The following INCENP variants were observed in gnomAD, a reference collection of about 807,000 sequenced individuals.
INCENP encodes the protein binds and activates aurora-B and -C in vivo and in vitro.
Under a neutral mutation model 107.3 loss-of-function variants are expected in INCENP, and 43 were observed. The observed-to-expected ratio is 0.40, with a 90% CI of 0.31 to 0.52. INCENP has a LOEUF of 0.52. Ranked by LOEUF, INCENP falls within the 20% of genes least tolerant of loss-of-function variation. INCENP has a pLI of 0.53. For missense variants in INCENP, 1,089 were observed against 1,250.9 expected (o/e 0.87, Z 1.95); for synonymous variants, 488 against 494.4 (o/e 0.99, Z 0.17).
At chr11:62,146,147 T>C (rs1055129461) in intron 14 of INCENP, among the ~76,000 whole-genome samples, 1 of 152,202 alleles carries the variant, frequency 6.6e-6, no homozygotes, top group Non-Finnish European at 1.5e-5. Context: ...ATTGCTGTTA[T>C]GGTCCACCCC....
chr11:62,135,494 C>G (rs903218897), intron 4 of INCENP, among the ~76,000 whole-genome samples: 1 of 152,058 alleles, frequency 6.6e-6, no homozygotes, highest in African/African-American at 2.4e-5. Context: ...AAACTCCTGA[C>G]CTCAAATCAT....
chr11:62,148,392 G>T, intron 15 of INCENP, 84 bp from the exon 16 acceptor site: 1 of 1,295,560 alleles, frequency 7.7e-7, no homozygotes, highest in Non-Finnish European at 1.1e-6. Flanking sequence ...TACTGGCTGG[G>T]CCTGGTTTCC....
rs1615317 is a variant in INCENP, at chr11:62,148,574, G to T, written c.2283+20G>T. On this transcript the variant is annotated intron_variant, in intron 16 of 18. Coordinates refer to ENST00000394818, the MANE Select transcript of INCENP (RefSeq NM_001040694.2). ...AAGAAGGTGAGGGGAGCTGGGTTGC[G>T]GGCTCCCCTGGGGTCTGCCCTGAGC... The T allele has an allele frequency of 1.9e-6, 3 of 1,585,744 alleles. No homozygotes were observed.
At chr11:62,144,528 A>G (rs1944195509) in intron 11 of INCENP, among the ~76,000 whole-genome samples, 1 of 152,224 alleles carries the variant, frequency 6.6e-6, no homozygotes, top group African/African-American at 2.4e-5. Context: ...TATGGATATT[A>G]TAAAGCATGA....
Position 62,130,334 on chromosome 11 carries a change from G to C in INCENP, c.807G>C (p.Ser269=). ...IAQVSPGPRD[S]PAFPDSPWRE... ...AGGTCTCCCCTGGCCCACGGGACTCGCCAGCCTTTCCAGATTCTCCATGGC... is the reference window on the plus strand; with the variant it reads ...AGGTCTCCCCTGGCCCACGGGACTCCCCAGCCTTTCCAGATTCTCCATGGC... The change falls in exon 4 of 19, where the codon TCG becomes TCC. Residue 269 remains serine, a synonymous_variant. Transcript: ENST00000394818. 6.2e-7 allele frequency: 1 copy of C among 1,611,542 alleles called. No individual in the cohort carries two copies. The highest frequency in any genetic ancestry group is 8.5e-7 in the Non-Finnish European group (1 of 1,179,990).
At position 62,137,997 on chromosome 11, in the gene INCENP, A is replaced by G. The variant is rs563337103; in HGVS notation, c.1115+114A>G. ...GCTGAGTCTTCCCCACTGAGCCTTG[A>G]CCGCCCAGGAGCTGCCCCGTTTTCC... On this transcript the variant is annotated intron_variant, in intron 5 of 18. Coordinates refer to ENST00000394818, the MANE Select transcript of INCENP (RefSeq NM_001040694.2). 2.2e-5 allele frequency: 21 copies of G among 951,740 alleles called. No homozygotes were observed. The African/African-American group carries it at 3.2e-4, about 15-fold the overall frequency. The allele number at this position is 951,740 out of a possible 1,614,324, so 59.0% of individuals were successfully genotyped here.
rs1943813988 is a variant in INCENP, at chr11:62,128,787, C to T, written c.158C>T (p.Pro53Leu). ...CCAAACAGAGAATTCAGCAAAGAGC[C>T]AGAGCTGATGCCCAAAACACCTTCT... ...RMFTREFSKEPELMPKTPSQK... is the reference protein window; with the variant it reads ...RMFTREFSKELELMPKTPSQK... The change falls in exon 3 of 19, where the codon CCA (proline) becomes CTA (leucine). Residue 53 changes from proline to leucine, a missense_variant. Physicochemically the swap from Pro to Leu is moderately conservative, Grantham distance 98. Coordinates refer to ENST00000394818, the MANE Select transcript of INCENP (RefSeq NM_001040694.2). The T allele has an allele frequency of 6.2e-7, 1 of 1,613,636 alleles. No homozygotes were observed. Among genetic ancestry groups the T allele is most frequent in the Non-Finnish European group, 8.5e-7 (1 of 1,179,518 alleles).
intron 7 of INCENP, 53 bp from the exon 8 acceptor site, chr11:62,140,181 A>C (rs1406555660): frequency 3.9e-6 from 6 of 1,557,980 alleles, no homozygotes; most frequent in Admixed American, 3.4e-5. Flanking sequence ...CCCCATTCCC[A>C]CCCTGCCGCC....
chr11:62,130,145 A>G lies in INCENP; in HGVS notation c.618A>G (p.Pro206=). The change falls in exon 4 of 19, where the codon CCA becomes CCG. Residue 206 remains proline, a synonymous_variant. Coordinates refer to ENST00000394818, the MANE Select transcript of INCENP (RefSeq NM_001040694.2). ...CGACTCCAGCTTCAGCCACAGCTCC[A>G]ACCTCCCAGGGCATCCCGACATCAG... ...LSPTPASATA[P]TSQGIPTSDE... 1.2e-6 allele frequency: 2 copies of G among 1,613,812 alleles called. No homozygotes were observed. Among genetic ancestry groups the G allele is most frequent in the Non-Finnish European group, 1.7e-6 (2 of 1,180,008 alleles).
Position 62,131,846 on chromosome 11 carries a change from C to T in INCENP, c.1063+1256C>T, listed in dbSNP as rs557323337. Among the ~76,000 whole-genome samples the T allele has an allele frequency of 4.6e-5, 7 of 152,044 alleles. No homozygotes were observed. In the South Asian group the frequency reaches 1.0e-3, roughly 23 times the overall value. On this transcript the variant is annotated intron_variant, in intron 4 of 18. Transcript: ENST00000394818. ...AGGCTGGAGTGCAATGGCACGATCT[C>T]GGCTCACTGCAACCTCTGCATGCAT...
intron 11 of INCENP, 37 bp from the exon 12 acceptor site, chr11:62,144,945 G>T: frequency 6.4e-7 from 1 of 1,560,948 alleles, no homozygotes; most frequent in Non-Finnish European, 8.7e-7. Flanking sequence ...GGTCGTCCTT[G>T]CTCATGTCCC....
intron 18 of INCENP, 131 bp from the exon 19 acceptor site, chr11:62,151,631 G>A (rs1944373951): frequency 1.4e-6 from 1 of 694,974 alleles, no homozygotes; most frequent in Non-Finnish European, 2.5e-6. Context: ...TACAGGCAGG[G>A]GCAGGGCTGA....
At position 62,133,654 on chromosome 11, in the gene INCENP, G is replaced by A. The variant is rs369012522; in HGVS notation, c.1063+3064G>A. 7.9e-5 allele frequency among the ~76,000 whole-genome samples: 12 copies of A among 152,214 alleles called. No homozygotes were observed. In the East Asian group the frequency reaches 2.3e-3, roughly 29 times the overall value. On this transcript the variant is annotated intron_variant, in intron 4 of 18. Coordinates refer to ENST00000394818, the MANE Select transcript of INCENP (RefSeq NM_001040694.2). The stretch of plus-strand genomic sequence containing the variant: ...AGCATTCCAGAGAATGCTTGTGCTG[G>A]TGGGAGAGCCATGTAGTCACATGGG...
intron 4 of INCENP, among the ~76,000 whole-genome samples, chr11:62,131,518 T>G (rs1469143626): frequency 6.6e-6 from 1 of 151,978 alleles, no homozygotes; most frequent in Non-Finnish European, 1.5e-5. Context: ...GCGCTTTTGC[T>G]GAGTGGAAAA....
chr11:62,134,196 C>T lies in INCENP; in HGVS notation c.1063+3606C>T, dbSNP rs553310312. ...CTTCCTGTTTTTAATGATTAAGCCT[C>T]AGCCTCAAAAAGCTTTTGACAGCCT... is the stretch of plus-strand genomic sequence containing the variant. On this transcript the variant is annotated intron_variant, in intron 4 of 18. Coordinates refer to ENST00000394818, the MANE Select transcript of INCENP (RefSeq NM_001040694.2). Among the ~76,000 whole-genome samples, 7 of 152,232 alleles carry T rather than the reference C, an allele frequency of 4.6e-5. No homozygotes were observed. In the East Asian group the frequency reaches 1.4e-3, roughly 29 times the overall value.
chr11:62,132,885 C>A (rs1565093207), intron 4 of INCENP, among the ~76,000 whole-genome samples: 1 of 152,216 alleles, frequency 6.6e-6, no homozygotes, highest in Non-Finnish European at 1.5e-5. Context: ...GGGCACACCC[C>A]TTCTCTCAAC....
chr11:62,139,048 G>A (rs778347800), intron 7 of INCENP, 43 bp downstream of exon 7: 1 of 1,391,006 alleles, frequency 7.2e-7, no homozygotes, highest in Non-Finnish European at 1.0e-6. Context: ...CGGAGCCACA[G>A]CGGGCCTTGG....
chr11:62,148,751 C>G lies in INCENP; in HGVS notation c.2296C>G (p.Arg766Gly), dbSNP rs753378312. Residue 766 changes from arginine to glycine, a missense_variant, in exon 17 of 19, where the codon CGT (arginine) becomes GGT (glycine). Arg to Gly is a moderately radical substitution (Grantham distance 125). Transcript: ENST00000394818. ...EEKKKKEEQQ[R>G]LAERQLQEEQ... The stretch of plus-strand genomic sequence containing the variant: ...ACCTGGGTTCCAGGAAGAGCAGCAG[C>G]GTCTGGCTGAGCGGCAGCTGCAGGA... 1 of 1,592,522 alleles carries G rather than the reference C, an allele frequency of 6.3e-7. No homozygotes were observed. Among genetic ancestry groups the G allele is most frequent in the East Asian group, 2.2e-5 (1 of 44,578 alleles).
At position 62,148,420 on chromosome 11, in the gene INCENP, A is replaced by C; in HGVS notation, c.2205-56A>C. Reference sequence around the variant, plus strand: ...TGGTTTCCCCAGCAGGGATGGGAACAGGGCTTGGGCTGGGCCTCCACTTCC... The same window carrying C: ...TGGTTTCCCCAGCAGGGATGGGAACCGGGCTTGGGCTGGGCCTCCACTTCC... On this transcript the variant is annotated intron_variant, in intron 15 of 18. Coordinates refer to ENST00000394818, the MANE Select transcript of INCENP (RefSeq NM_001040694.2). 2.0e-6 allele frequency: 3 copies of C among 1,515,556 alleles called. No homozygotes were observed. In the Admixed American group the frequency reaches 5.9e-5, roughly 30 times the overall value. The allele number at this position is 1,515,556 out of a possible 1,614,324, so 93.9% of individuals were successfully genotyped here.
Sources: allele counts gnomAD v4.1 joint callset (sites outside exome capture counted in the v4.1 genomes callset), GRCh38; gene constraint gnomAD v4.1.1; transcripts MANE v1.5; gene names NCBI Gene and HGNC (gene_info 2026-07-23, HGNC 2026-07-21).